SRGAP2C: variants seen among roughly 807,000 people sequenced by gnomAD.
SRGAP2C encodes the protein SLIT-ROBO Rho GTPase-activating protein 2C.
A neutral mutation model predicts 25.1 loss-of-function variants in SRGAP2C; 15 were observed. That is an observed-to-expected ratio of 0.60 (90% CI 0.40 to 0.92). SRGAP2C has a LOEUF of 0.92. Among genes scored for constraint, SRGAP2C ranks in the 40% least tolerant of loss-of-function variants. The pLI is 0.00. For synonymous variants in SRGAP2C, 44 were observed against 96.6 expected (o/e 0.46, Z 3.19); for missense variants, 144 against 264.4 (o/e 0.54, Z 3.16).
chr1:121,259,843 CTTTTTTT>C lies in SRGAP2C; in HGVS notation c.68-24942_68-24936del, dbSNP rs782529398. 5.6e-3 allele frequency among the ~76,000 whole-genome samples: 598 copies of C among 107,640 alleles called. 19 individuals are homozygous for C. Among genetic ancestry groups the C allele is most frequent in the Admixed American group, 0.044 (434 of 9,962 alleles). 70.6% of individuals were successfully genotyped at this position (107,640 alleles called of 152,430 possible). A position where few individuals can be genotyped will look rare whatever the true frequency, so the allele number is the denominator to read the frequency against. On this transcript the variant is annotated intron_variant, in intron 2 of 9. Coordinates refer to ENST00000367123, the MANE Select transcript of SRGAP2C (RefSeq NM_001329984.2). ...AAATTTTTTCTTCTTTCTTCTTCTA[CTTTTTTT>C]TTTTTTTTTTTTTTTTTAAAGAGAC...
rs1403242104 is a variant in SRGAP2C at position 121,258,251 on chromosome 1, G to A, written c.68-26552G>A. Among the ~76,000 whole-genome samples, 16 of 151,752 alleles carry A rather than the reference G, an allele frequency of 1.1e-4. No individual in the cohort carries two copies. The South Asian group carries it at 1.9e-3, about 18-fold the overall frequency. On this transcript the variant is annotated intron_variant, in intron 2 of 9. Coordinates refer to ENST00000367123, the MANE Select transcript of SRGAP2C (RefSeq NM_001329984.2). ...AAACCTACCTCTCTCCAGGGCATGA[G>A]TTCCACAGTGAAACTGAGGAGTAGA...
intron 4 of SRGAP2C, among the ~76,000 whole-genome samples, chr1:121,347,505 C>T (rs1398098225): frequency 6.7e-6 from 1 of 150,320 alleles, no homozygotes; most frequent in African/African-American, 2.5e-5. Context: ...AAAAACATAC[C>T]ACAGAGCTAG....
intron 4 of SRGAP2C, among the ~76,000 whole-genome samples, chr1:121,329,538 C>T (rs1406913881): frequency 2.8e-5 from 4 of 142,238 alleles, no homozygotes; most frequent in Non-Finnish European, 6.1e-5. Context: ...AGCATGTTTA[C>T]ACTCCTCAGG....
At chr1:121,208,764 G>A (rs1262291658) in intron 2 of SRGAP2C, among the ~76,000 whole-genome samples, 2 of 152,080 alleles carry the variant, frequency 1.3e-5, no homozygotes, top group Admixed American at 6.5e-5. Flanking sequence ...TATAATAAAT[G>A]TGTATTGGAT....
intron 2 of SRGAP2C, among the ~76,000 whole-genome samples, chr1:121,239,197 TATATATA>T (rs1228566118): frequency 2.9e-4 from 1 of 3,468 alleles, no homozygotes; most frequent in Non-Finnish European, 4.0e-4. Context: ...TATATATATA[TATATATA>T]TATATATATA....
chr1:121,188,126 C>A (rs1553319236), intron 2 of SRGAP2C, among the ~76,000 whole-genome samples: 1 of 152,208 alleles, frequency 6.6e-6, no homozygotes, highest in Non-Finnish European at 1.5e-5. Flanking sequence ...CACACCCGGT[C>A]TCCGCCCTCA....
At chr1:121,338,543 G>T (rs1247247298) in intron 4 of SRGAP2C, among the ~76,000 whole-genome samples, 8 of 134,192 alleles carry the variant, frequency 6.0e-5, no homozygotes, top group Middle Eastern at 6.7e-3. Flanking sequence ...AGCCCTTGGG[G>T]TTTTTTGTTT....
intron 3 of SRGAP2C, among the ~76,000 whole-genome samples, chr1:121,292,237 C>G (rs1448758477): frequency 3.9e-4 from 59 of 150,664 alleles, no homozygotes. Flanking sequence ...GATGAGACCT[C>G]TACTTCTCAA....
intron 2 of SRGAP2C, among the ~76,000 whole-genome samples, chr1:121,225,977 T>C (rs868959293): frequency 2.6e-4 from 39 of 151,026 alleles, no homozygotes; most frequent in African/African-American, 9.2e-4. Context: ...AGTGCTGGGA[T>C]TACAGGTGTG....
intron 2 of SRGAP2C, among the ~76,000 whole-genome samples, chr1:121,233,127 G>A (rs1655859768): frequency 7.2e-6 from 1 of 138,360 alleles, no homozygotes; most frequent in African/African-American, 2.7e-5. Context: ...GGTGGCAAGA[G>A]GGATCTCCCC....
At chr1:121,359,933 G>A (rs185672684) in intron 4 of SRGAP2C, among the ~76,000 whole-genome samples, 3 of 152,062 alleles carry the variant, frequency 2.0e-5, no homozygotes, top group African/African-American at 4.8e-5. Context: ...GCACCAATCA[G>A]CACTCTGTAA....
At chr1:121,314,012 G>A (rs1658030098) in intron 3 of SRGAP2C, among the ~76,000 whole-genome samples, 1 of 133,402 alleles carries the variant, frequency 7.5e-6, no homozygotes, top group Non-Finnish European at 1.6e-5. Flanking sequence ...ATAATATCCT[G>A]CAGAGTGTTT....
chr1:121,355,379 G>T (rs1426714805), intron 4 of SRGAP2C, among the ~76,000 whole-genome samples: 5 of 78,056 alleles, frequency 6.4e-5, no homozygotes, highest in African/African-American at 1.0e-4. Flanking sequence ...GTGCAGTGGC[G>T]CGATCTTGGC....
At chr1:121,279,535 C>T (rs1168234015) in intron 2 of SRGAP2C, among the ~76,000 whole-genome samples, 1 of 151,704 alleles carries the variant, frequency 6.6e-6, no homozygotes, top group Non-Finnish European at 1.5e-5. Context: ...TGATCAGTAT[C>T]CTATTAGGGC....
chr1:121,362,780 G>A (rs1659231585), intron 4 of SRGAP2C: 1 of 142,640 alleles, frequency 7.0e-6, no homozygotes, highest in Non-Finnish European at 1.5e-5. Context: ...CTTCAGTGGA[G>A]CTCAGCTTTC....
In SRGAP2C at chr1:121,316,274, AGAGATGCTTGCTCTTAAG is replaced by A. The variant is rs1353412062; in HGVS notation, c.261-8202_261-8185del. Among the ~76,000 whole-genome samples the A allele has an allele frequency of 9.1e-5, 7 of 77,118 alleles. 1 individual carries two copies. The highest frequency in any genetic ancestry group is 4.2e-4 in the African/African-American group (7 of 16,504). 50.6% of individuals were successfully genotyped at this position (77,118 alleles called of 152,430 possible). The stretch of plus-strand genomic sequence containing the variant: ...CTTCTCCGCTCATGCCTGGTGCCAG[AGAGATGCTTGCTCTTAAG>A]GGGGTGGTTACTGCTTTGAAAAGTG... On this transcript the variant is annotated intron_variant, in intron 3 of 9. Transcript: ENST00000367123.
chr1:121,266,065 C>T (rs1553334240), intron 2 of SRGAP2C, among the ~76,000 whole-genome samples: 2 of 151,816 alleles, frequency 1.3e-5, no homozygotes, highest in Non-Finnish European at 2.9e-5. Context: ...ACCTTTGCAT[C>T]CTGGGTTCAA....
intron 4 of SRGAP2C, among the ~76,000 whole-genome samples, chr1:121,344,108 T>C (rs1440405983): frequency 3.5e-4 from 52 of 148,458 alleles, no homozygotes; most frequent in African/African-American, 1.2e-3. Context: ...ATGAAAGTGC[T>C]TGGCAAACCA....
At chr1:121,372,061 A>G (rs1290293346) in intron 5 of SRGAP2C, among the ~76,000 whole-genome samples, 2 of 152,060 alleles carry the variant, frequency 1.3e-5, no homozygotes, top group African/African-American at 4.8e-5. Flanking sequence ...TCTTCTGTAT[A>G]GAAAATATGA....
Sources: gnomAD v4.1 joint callset for allele counts (sites outside exome capture counted in the v4.1 genomes callset) on GRCh38, gnomAD v4.1.1 for gene constraint, MANE v1.5 for transcripts, NCBI Gene and HGNC (gene_info 2026-07-23, HGNC 2026-07-21) for gene names.